WHRN: variants seen among roughly 807,000 people sequenced by gnomAD.
WHRN encodes the protein CASK-interacting protein CIP98.
In WHRN, 41 loss-of-function variants were observed where a neutral mutation model predicts 68.3. That is an observed-to-expected ratio of 0.60 (90% CI 0.47 to 0.78). The LOEUF (loss-of-function observed/expected upper bound fraction) is 0.78, where lower values mean the gene tolerates loss of function less well. Among genes scored for constraint, WHRN ranks in the 30% least tolerant of loss-of-function variants. The pLI, the probability that WHRN is intolerant of heterozygous loss-of-function variation, is 0.00. For missense variants in WHRN, 1,243 were observed against 1,244.7 expected, an observed-to-expected ratio of 1.00 and a Z score of 0.02; for synonymous variants, 560 against 561.3, an observed-to-expected ratio of 1.00 and a Z score of 0.03.
chr9:114,484,112 A>G (rs1463003321), intron 1 of WHRN, among the ~76,000 whole-genome samples: 1 of 152,218 alleles, frequency 6.6e-6, no homozygotes, highest in Non-Finnish European at 1.5e-5. Flanking sequence ...CACCAGAAGG[A>G]CAATTGGAGC....
chr9:114,472,028 T>C (rs1328051669), intron 2 of WHRN, among the ~76,000 whole-genome samples: 1 of 152,138 alleles, frequency 6.6e-6, no homozygotes, highest in Non-Finnish European at 1.5e-5. Flanking sequence ...GCCCTACACC[T>C]CTGAAGAGAA....
At chr9:114,464,684 C>G (rs1383166835) in intron 3 of WHRN, among the ~76,000 whole-genome samples, 1 of 151,986 alleles carries the variant, frequency 6.6e-6, no homozygotes, top group Non-Finnish European at 1.5e-5. Context: ...TTGCAATAAC[C>G]CTGAGAAAGG....
chr9:114,420,685 C>T (rs1444600716), intron 7 of WHRN, among the ~76,000 whole-genome samples: 5 of 152,096 alleles, frequency 3.3e-5, no homozygotes, highest in Non-Finnish European at 5.9e-5. Context: ...AGACCCTCCA[C>T]GAGTCCCCAA....
chr9:114,487,070 C>T (rs1296420322), intron 1 of WHRN, among the ~76,000 whole-genome samples: 2 of 122,158 alleles, frequency 1.6e-5, no homozygotes, highest in African/African-American at 3.4e-5. Context: ...AAAAAGAGAG[C>T]GAGAGTGAAA....
intron 2 of WHRN, among the ~76,000 whole-genome samples, chr9:114,467,282 G>T (rs1013281878): frequency 1.3e-5 from 2 of 152,082 alleles, no homozygotes; most frequent in Non-Finnish European, 2.9e-5. Flanking sequence ...ATGCAGTCCC[G>T]GTGCTGGGGC....
chr9:114,403,856 GTT>G, intron 10 of WHRN, 38 bp downstream of exon 10: 1 of 1,606,156 alleles, frequency 6.2e-7, no homozygotes, highest in Non-Finnish European at 8.5e-7. Flanking sequence ...TGGGGCCCGT[GTT>G]CCTCTCAGCC....
chr9:114,495,224 G>C (rs576601609), intron 1 of WHRN, among the ~76,000 whole-genome samples: 3 of 152,262 alleles, frequency 2.0e-5, no homozygotes, highest in Non-Finnish European at 4.4e-5. Flanking sequence ...CTCAAGAGCA[G>C]GGTTGTAGAC....
chr9:114,466,185 A>T (rs1840672990), intron 3 of WHRN, 82 bp downstream of exon 3: 1 of 1,601,046 alleles, frequency 6.2e-7, no homozygotes, highest in Admixed American at 1.7e-5. Flanking sequence ...TGGAGTGCTG[A>T]TTGCTCTGCT....
Position 114,504,419 on chromosome 9 carries a change from C to A in WHRN, c.383G>T (p.Gly128Val). The change falls in exon 1 of 12, where the codon GGC (glycine) becomes GTC (valine). Residue 128 changes from glycine to valine, a missense_variant. Gly to Val is a moderately radical substitution (Grantham distance 109). Transcript: ENST00000362057. ...ATTPYRQPAW[G>V]GPDSAGPGEV... Reference sequence around the variant, plus strand: ...CCCTGGCCCCGCGCTGTCGGGGCCGCCCCAGGCGGGCTGCCTGTAGGGGGT... The same window carrying A: ...CCCTGGCCCCGCGCTGTCGGGGCCGACCCAGGCGGGCTGCCTGTAGGGGGT... 1 of 1,606,282 alleles carries A rather than the reference C, an allele frequency of 6.2e-7. No homozygotes were observed. The highest frequency in any genetic ancestry group is 8.5e-7 in the Non-Finnish European group (1 of 1,179,452).
chr9:114,497,787 A>ACATTT (rs1174179296), intron 1 of WHRN, among the ~76,000 whole-genome samples: 1 of 152,198 alleles, frequency 6.6e-6, no homozygotes, highest in Non-Finnish European at 1.5e-5. Flanking sequence ...GGCACAGACC[A>ACATTT]CATTTTTTTT....
chr9:114,451,805 C>A (rs902459072), intron 3 of WHRN, among the ~76,000 whole-genome samples: 1 of 152,228 alleles, frequency 6.6e-6, no homozygotes, highest in Non-Finnish European at 1.5e-5. Flanking sequence ...AAGTGCTAGA[C>A]CCACCTGGGT....
chr9:114,491,541 G>A (rs1396235010), intron 1 of WHRN: 2 of 170,638 alleles, frequency 1.2e-5, no homozygotes, highest in Non-Finnish European at 2.6e-5. Flanking sequence ...ACGGAGGCAG[G>A]TCGGAGCCGC....
chr9:114,438,313 C>T (rs1396444022), intron 3 of WHRN, among the ~76,000 whole-genome samples: 2 of 152,042 alleles, frequency 1.3e-5, no homozygotes, highest in Non-Finnish European at 2.9e-5. Context: ...CATCAAGGTA[C>T]CATTTCTCAT....
chr9:114,473,029 T>C lies in WHRN; in HGVS notation c.837+5524A>G, dbSNP rs577790318. ...CCCTGCTCCTTGTGTTCCAGGCTTGTAGCAGCCTGAGCCGAAGGGCAGGTC... is the reference window on the plus strand; with the variant it reads ...CCCTGCTCCTTGTGTTCCAGGCTTGCAGCAGCCTGAGCCGAAGGGCAGGTC... On this transcript the variant is annotated intron_variant, in intron 2 of 11. Transcript: ENST00000362057. Among the ~76,000 whole-genome samples, 62 of 152,336 alleles carry C rather than the reference T, an allele frequency of 4.1e-4. 2 individuals carry two copies. In the South Asian group the frequency reaches 0.012, roughly 29 times the overall value.
At chr9:114,493,168 A>G (rs1843137278) in intron 1 of WHRN, among the ~76,000 whole-genome samples, 1 of 151,830 alleles carries the variant, frequency 6.6e-6, no homozygotes, top group Non-Finnish European at 1.5e-5. Context: ...TGGGCGACAT[A>G]GTGAGACCTC....
At chr9:114,414,574 A>G (rs894986757) in intron 7 of WHRN, among the ~76,000 whole-genome samples, 6 of 152,192 alleles carry the variant, frequency 3.9e-5, no homozygotes, top group Admixed American at 3.3e-4. Context: ...CCCATGTTCA[A>G]ACAGGCTCTG....
intron 1 of WHRN, among the ~76,000 whole-genome samples, chr9:114,490,318 C>T (rs10759710): frequency 0.38 from 57,951 of 152,098 alleles, 13,305 homozygotes; most frequent in East Asian, 0.58. Flanking sequence ...TGTGAATACA[C>T]AAGGATAAAG....
intron 3 of WHRN, among the ~76,000 whole-genome samples, chr9:114,446,764 G>T (rs1311092070): frequency 6.6e-6 from 1 of 152,100 alleles, no homozygotes; most frequent in Non-Finnish European, 1.5e-5. Context: ...CCTTCCATCT[G>T]CCTTAACTCA....
At chr9:114,466,907 C>T (rs1344054085) in intron 2 of WHRN, among the ~76,000 whole-genome samples, 1 of 149,412 alleles carries the variant, frequency 6.7e-6, no homozygotes, top group Non-Finnish European at 1.5e-5. Context: ...AGGGGTCTGC[C>T]TCCCCAGGGG....
Sources: allele counts gnomAD v4.1 joint callset (sites outside exome capture counted in the v4.1 genomes callset), GRCh38; gene constraint gnomAD v4.1.1; transcripts MANE v1.5; gene names NCBI Gene and HGNC (gene_info 2026-07-23, HGNC 2026-07-21).